NXPE4: variants seen among roughly 807,000 people sequenced by gnomAD.
NXPE4 encodes the protein neurexophilin and PC-esterase domain family member 4, also known as NXPE family member 4.
In NXPE4, 42 loss-of-function variants were observed where a neutral mutation model predicts 33.3. That is an observed-to-expected ratio of 1.26 (90% CI 0.98 to 1.63). The LOEUF (loss-of-function observed/expected upper bound fraction) is 1.63, where lower values mean the gene tolerates loss of function less well. Ranked by LOEUF, NXPE4 falls within the 40% of genes most tolerant of loss-of-function variation. The pLI, the probability that NXPE4 is intolerant of heterozygous loss-of-function variation, is 0.00. For missense variants in NXPE4, 709 were observed against 647.6 expected (o/e 1.09, Z -1.03); for synonymous variants, 253 against 234.9 (o/e 1.08, Z -0.71).
chr11:114,595,508 T>C (rs1179768290), intron 1 of NXPE4, 84 bp downstream of exon 1: 3 of 152,288 alleles, frequency 2.0e-5, no homozygotes, highest in Non-Finnish European at 2.9e-5. Flanking sequence ...CCCTAGTTTA[T>C]ACATGGGCAT....
At chr11:114,637,460 T>G in the NXPE4 span, among the ~76,000 whole-genome samples, 1 of 151,954 alleles carries the variant, frequency 6.6e-6, no homozygotes, top group Non-Finnish European at 1.5e-5. Context: ...TTAGTCCATT[T>G]ACATTTAAAG....
At chr11:114,669,156 C>T in the NXPE4 span, among the ~76,000 whole-genome samples, 1 of 152,072 alleles carries the variant, frequency 6.6e-6, no homozygotes, top group Non-Finnish European at 1.5e-5. Flanking sequence ...GGACCCTCTC[C>T]CCAGTGGAAC....
the NXPE4 span, among the ~76,000 whole-genome samples, chr11:114,631,787 C>T: frequency 6.6e-6 from 1 of 151,004 alleles, no homozygotes; most frequent in Non-Finnish European, 1.5e-5. Flanking sequence ...CATGAGTAAT[C>T]ACTGTTACCC....
chr11:114,657,577 G>C, the NXPE4 span, among the ~76,000 whole-genome samples: 1 of 151,604 alleles, frequency 6.6e-6, no homozygotes, highest in East Asian at 1.9e-4. Flanking sequence ...ATTTAATGTC[G>C]TATAATAGGA....
intron 5 of NXPE4, among the ~76,000 whole-genome samples, chr11:114,577,650 G>T (rs1011968221): frequency 1.3e-5 from 2 of 152,182 alleles, no homozygotes; most frequent in Non-Finnish European, 2.9e-5. Context: ...GGGATGGAAA[G>T]GTAGTGAGGT....
At chr11:114,677,731 A>G in the NXPE4 span, among the ~76,000 whole-genome samples, 1 of 152,076 alleles carries the variant, frequency 6.6e-6, no homozygotes, top group Non-Finnish European at 1.5e-5. Flanking sequence ...TCTATGAAGT[A>G]TACACATGTA....
chr11:114,674,714 T>C, the NXPE4 span, among the ~76,000 whole-genome samples: 30 of 151,874 alleles, frequency 2.0e-4, no homozygotes, highest in South Asian at 5.4e-3. Flanking sequence ...TCATGAATTC[T>C]AGTAAACATT....
chr11:114,654,263 A>G, the NXPE4 span, among the ~76,000 whole-genome samples: 1 of 151,842 alleles, frequency 6.6e-6, no homozygotes. Flanking sequence ...AATGAAACAG[A>G]GCTGTGTTAA....
At chr11:114,646,746 A>G in the NXPE4 span, among the ~76,000 whole-genome samples, 8 of 152,206 alleles carry the variant, frequency 5.3e-5, no homozygotes, top group Non-Finnish European at 1.0e-4. Context: ...ACACAATATA[A>G]TAAGTTTTGT....
the NXPE4 span, among the ~76,000 whole-genome samples, chr11:114,644,975 T>C: frequency 6.6e-6 from 1 of 151,288 alleles, no homozygotes; most frequent in Non-Finnish European, 1.5e-5. Context: ...TGAAAAAGCA[T>C]AAACACTTAA....
At chr11:114,673,279 A>G in the NXPE4 span, among the ~76,000 whole-genome samples, 7 of 151,604 alleles carry the variant, frequency 4.6e-5, no homozygotes, top group East Asian at 1.2e-3. Context: ...TTTCAGATGA[A>G]TGAAAATGAA....
At chr11:114,601,962 A>G in the NXPE4 span, among the ~76,000 whole-genome samples, 48 of 83,746 alleles carry the variant, frequency 5.7e-4, no homozygotes, top group African/African-American at 2.3e-3. Context: ...ATAATATTAT[A>G]TATTATATAT....
At chr11:114,677,105 G>A in the NXPE4 span, among the ~76,000 whole-genome samples, 1 of 151,976 alleles carries the variant, frequency 6.6e-6, no homozygotes, top group Non-Finnish European at 1.5e-5. Flanking sequence ...CGTGGTTGCT[G>A]AGGGTCTGGT....
At chr11:114,620,886 C>T in the NXPE4 span, among the ~76,000 whole-genome samples, 2 of 152,124 alleles carry the variant, frequency 1.3e-5, no homozygotes, top group Admixed American at 6.5e-5. Flanking sequence ...AGTATTGCCT[C>T]ACGGGTAACC....
chr11:114,576,997 A>G (rs1419824421), intron 5 of NXPE4, among the ~76,000 whole-genome samples: 2 of 79,912 alleles, frequency 2.5e-5, no homozygotes, highest in Non-Finnish European at 4.5e-5. Flanking sequence ...ATATACATAT[A>G]TATATATAAA....
At chr11:114,598,387 C>T (rs559600028), upstream of NXPE4, among the ~76,000 whole-genome samples, 2 of 141,574 alleles carry the variant, frequency 1.4e-5, no homozygotes, top group Admixed American at 1.4e-4. Flanking sequence ...TTTCTCACAG[C>T]TCCACTAGGC....
the NXPE4 span, among the ~76,000 whole-genome samples, chr11:114,608,556 A>G: frequency 7.2e-6 from 1 of 138,686 alleles, no homozygotes; most frequent in African/African-American, 2.7e-5. Flanking sequence ...TAATTGTTGC[A>G]TCGTGTGTAT....
chr11:114,584,538 C>A, intron 2 of NXPE4: 1 of 163,972 alleles, frequency 6.1e-6, no homozygotes, highest in Non-Finnish European at 1.3e-5. Context: ...GGAGGGAGAG[C>A]GTGGCTGCAA....
chr11:114,630,813 A>C, the NXPE4 span, among the ~76,000 whole-genome samples: 503 of 151,978 alleles, frequency 3.3e-3, 7 homozygotes, highest in Non-Finnish European at 5.5e-3. Flanking sequence ...CAATGAACTC[A>C]AACAAATTTA....
Sources: gnomAD v4.1 joint callset for allele counts (sites outside exome capture counted in the v4.1 genomes callset) on GRCh38, gnomAD v4.1.1 for gene constraint, MANE v1.5 for transcripts, NCBI Gene and HGNC (gene_info 2026-07-23, HGNC 2026-07-21) for gene names.